The following ERC2 variants were observed in gnomAD, a reference collection of about 807,000 sequenced individuals.
ERC2 encodes ERC protein 2.
In ERC2, 42 loss-of-function variants were observed where a neutral mutation model predicts 114.8. The observed-to-expected ratio is 0.37, with a 90% CI of 0.29 to 0.47. The LOEUF is 0.47. ERC2 is among the 20% of genes least tolerant of loss of function. The pLI, the probability that ERC2 is intolerant of heterozygous loss-of-function variation, is 0.99. For synonymous variants in ERC2, 454 were observed against 425.5 expected (o/e 1.07, Z -0.82); for missense variants, 939 against 1,150.7 (o/e 0.82, Z 2.66).
intron 3 of ERC2, chr3:56,174,006 G>A (rs13097517): frequency 0.46 from 71,139 of 153,584 alleles, 16,835 homozygotes; most frequent in East Asian, 0.69. Flanking sequence ...ACTTTTGAGA[G>A]TGATCTGATG....
At chr3:55,621,845 G>A (rs1055443796) in intron 17 of ERC2, among the ~76,000 whole-genome samples, 1 of 152,188 alleles carries the variant, frequency 6.6e-6, no homozygotes, top group South Asian at 2.1e-4. Flanking sequence ...CATGGGATAC[G>A]TGGAAAATGC....
rs114113983 is a variant in ERC2, at chr3:56,043,659, G to A, written c.1642-24628C>T. Among the ~76,000 whole-genome samples the A allele has an allele frequency of 5.7e-3, 866 of 152,114 alleles. 9 individuals carry two copies. Among genetic ancestry groups the A allele is most frequent in the African/African-American group, 0.019 (801 of 41,496 alleles). On this transcript the variant is annotated intron_variant, in intron 7 of 17. Transcript: ENST00000288221. ...TATCACAGATCTTCCACAGATTTTC[G>A]TTAATACATTTTCTTTTAATACTCA...
At chr3:56,091,604 A>G (rs1308737568) in intron 6 of ERC2, among the ~76,000 whole-genome samples, 1 of 152,186 alleles carries the variant, frequency 6.6e-6, no homozygotes, top group Non-Finnish European at 1.5e-5. Context: ...CCTTCTGCAC[A>G]TTTACAGATT....
chr3:56,352,673 C>G (rs2058597919), intron 2 of ERC2, among the ~76,000 whole-genome samples: 1 of 152,110 alleles, frequency 6.6e-6, no homozygotes, highest in Admixed American at 6.6e-5. Flanking sequence ...TATGACTTAG[C>G]CAGTTCCTCT....
chr3:55,773,676 T>C (rs760800551), intron 14 of ERC2, among the ~76,000 whole-genome samples: 17 of 152,232 alleles, frequency 1.1e-4, no homozygotes, highest in Non-Finnish European at 2.4e-4. Context: ...CCCCAGTCAA[T>C]GGTTATTCAA....
chr3:56,401,184 T>A (rs1386604872), intron 2 of ERC2, among the ~76,000 whole-genome samples: 1 of 152,242 alleles, frequency 6.6e-6, no homozygotes, highest in Non-Finnish European at 1.5e-5. Context: ...AAATGCATAC[T>A]GCCTTTTTAC....
intron 17 of ERC2, among the ~76,000 whole-genome samples, chr3:55,555,742 C>A (rs146025113): frequency 6.6e-6 from 1 of 152,180 alleles, no homozygotes; most frequent in Non-Finnish European, 1.5e-5. Flanking sequence ...ATGAAGCTGA[C>A]GGGCCAGGCA....
intron 17 of ERC2, among the ~76,000 whole-genome samples, chr3:55,569,810 TAGAA>T: frequency 6.6e-6 from 1 of 152,054 alleles, no homozygotes; most frequent in South Asian, 2.1e-4. Flanking sequence ...AGTTTGGGGA[TAGAA>T]AGAAACACAG....
At chr3:55,716,740 C>T (rs2064142749) in intron 15 of ERC2, among the ~76,000 whole-genome samples, 1 of 152,190 alleles carries the variant, frequency 6.6e-6, no homozygotes. Flanking sequence ...AGGCTTATCT[C>T]CACCTCCACC....
At chr3:55,655,474 T>A (rs1215020572) in intron 17 of ERC2, among the ~76,000 whole-genome samples, 1 of 152,220 alleles carries the variant, frequency 6.6e-6, no homozygotes, top group African/African-American at 2.4e-5. Context: ...TAAGTTGCTA[T>A]CATAAATAAA....
chr3:56,264,020 T>C (rs952372581), intron 3 of ERC2, among the ~76,000 whole-genome samples: 2 of 152,170 alleles, frequency 1.3e-5, no homozygotes, highest in South Asian at 4.1e-4. Flanking sequence ...ATTAATGTGA[T>C]ACATCACATT....
chr3:56,377,825 C>T (rs1319627433), intron 2 of ERC2, among the ~76,000 whole-genome samples: 1 of 151,312 alleles, frequency 6.6e-6, no homozygotes. Flanking sequence ...CCAATTCAGC[C>T]TAGGCAACAT....
chr3:56,080,084 A>T (rs185374297), intron 7 of ERC2, among the ~76,000 whole-genome samples: 25 of 151,882 alleles, frequency 1.6e-4, no homozygotes, highest in African/African-American at 5.8e-4. Context: ...AACACATTTT[A>T]TTTTTTTTGT....
At chr3:55,827,601 A>C (rs1046282908) in intron 14 of ERC2, among the ~76,000 whole-genome samples, 11 of 152,208 alleles carry the variant, frequency 7.2e-5, no homozygotes, top group African/African-American at 2.7e-4. Flanking sequence ...AAATTTAATC[A>C]GTCTGTTTTT....
chr3:55,864,297 T>C (rs2062196889), intron 14 of ERC2, among the ~76,000 whole-genome samples: 1 of 150,408 alleles, frequency 6.6e-6, no homozygotes, highest in East Asian at 1.9e-4. Flanking sequence ...ATATTATATA[T>C]ATATAATAGC....
At chr3:56,467,860 C>T (rs2063619953) in intron 1 of ERC2, among the ~76,000 whole-genome samples, 2 of 151,948 alleles carry the variant, frequency 1.3e-5, no homozygotes, top group African/African-American at 4.8e-5. Context: ...GAACACCCCA[C>T]CCCTCGAGGC....
chr3:56,323,282 G>GA (rs2057209106), intron 2 of ERC2, among the ~76,000 whole-genome samples: 1 of 152,252 alleles, frequency 6.6e-6, no homozygotes, highest in African/African-American at 2.4e-5. Context: ...GAGGCCAAAG[G>GA]AAAAACCACC....
chr3:55,834,649 G>A (rs549463494), intron 14 of ERC2, among the ~76,000 whole-genome samples: 1 of 150,588 alleles, frequency 6.6e-6, no homozygotes, highest in South Asian at 2.1e-4. Flanking sequence ...ATGCCCACAA[G>A]AGAAAGCAGG....
chr3:56,040,092 T>A (rs908431560), intron 7 of ERC2, among the ~76,000 whole-genome samples: 2 of 152,130 alleles, frequency 1.3e-5, no homozygotes, highest in African/African-American at 4.8e-5. Flanking sequence ...GCCAATGATT[T>A]TTTTTTAAAT....
Sources: gnomAD v4.1 joint callset for allele counts (sites outside exome capture counted in the v4.1 genomes callset) on GRCh38, gnomAD v4.1.1 for gene constraint, MANE v1.5 for transcripts, NCBI Gene and HGNC (gene_info 2026-07-23, HGNC 2026-07-21) for gene names.